The following MOB1B variants were observed in gnomAD, a reference collection of about 807,000 sequenced individuals.
MOB1B encodes the protein MOB kinase activator 1B, also known as MOB1 Mps One Binder homolog B.
In MOB1B, 19 loss-of-function variants were observed where a neutral mutation model predicts 24.4. That is an observed-to-expected ratio of 0.78 (90% CI 0.54 to 1.14). MOB1B has a LOEUF of 1.14. MOB1B is among the 50% of genes most tolerant of loss of function. The pLI is 0.00. For missense variants in MOB1B, 243 were observed against 259.6 expected, an observed-to-expected ratio of 0.94 and a Z score of 0.44; for synonymous variants, 76 against 82.1, an observed-to-expected ratio of 0.93 and a Z score of 0.40.
At chr4:70,936,214 G>A (rs1036570211) in intron 1 of MOB1B, among the ~76,000 whole-genome samples, 1 of 151,616 alleles carries the variant, frequency 6.6e-6, no homozygotes, top group African/African-American at 2.4e-5. Context: ...GGCTGTATTC[G>A]AACTCCTGAG....
chr4:70,914,565 A>G (rs1736123444), intron 1 of MOB1B, among the ~76,000 whole-genome samples: 1 of 152,358 alleles, frequency 6.6e-6, no homozygotes, highest in South Asian at 2.1e-4. Flanking sequence ...CTCATTGGAC[A>G]GTACTAAAAA....
chr4:70,969,759 G>A (rs74796960), intron 2 of MOB1B, among the ~76,000 whole-genome samples, 172 bp from the exon 3 acceptor site: 1 of 152,154 alleles, frequency 6.6e-6, no homozygotes, highest in East Asian at 1.9e-4. Flanking sequence ...CAAGGGAGTC[G>A]TTTGATGAAC....
intron 1 of MOB1B, among the ~76,000 whole-genome samples, chr4:70,927,925 C>G (rs544179688): frequency 6.6e-6 from 1 of 152,312 alleles, no homozygotes; most frequent in East Asian, 1.9e-4. Context: ...ATCCCTCCCC[C>G]ACAGTGTTCA....
chr4:70,913,866 C>T (rs1736096053), intron 1 of MOB1B, among the ~76,000 whole-genome samples: 1 of 150,688 alleles, frequency 6.6e-6, no homozygotes, highest in Non-Finnish European at 1.5e-5. Flanking sequence ...CTAATTCTGT[C>T]ATTGCTTCTA....
At chr4:70,932,398 TTTTC>T (rs1362857282) in intron 1 of MOB1B, among the ~76,000 whole-genome samples, 1 of 152,182 alleles carries the variant, frequency 6.6e-6, no homozygotes, top group African/African-American at 2.4e-5. Flanking sequence ...ATTTTTTTCT[TTTTC>T]TTTCTTTTTT....
chr4:70,902,640 C>A, intron 1 of MOB1B, 90 bp downstream of exon 1: 1 of 1,315,774 alleles, frequency 7.6e-7, no homozygotes, highest in Non-Finnish European at 1.0e-6. Context: ...GCCCTCGTCC[C>A]GACCCTCCTG....
At chr4:70,910,032 G>A (rs553954058) in intron 1 of MOB1B, among the ~76,000 whole-genome samples, 1 of 151,132 alleles carries the variant, frequency 6.6e-6, no homozygotes, top group Non-Finnish European at 1.5e-5. Flanking sequence ...ACAGGTATGA[G>A]CCACCACGCC....
chr4:70,963,632 C>A (rs1168162186), intron 2 of MOB1B, among the ~76,000 whole-genome samples: 1 of 151,704 alleles, frequency 6.6e-6, no homozygotes, highest in South Asian at 2.1e-4. Context: ...CCATCGTGGA[C>A]AACATGGCAA....
chr4:70,967,549 T>G (rs996784203), intron 2 of MOB1B, among the ~76,000 whole-genome samples: 4 of 152,194 alleles, frequency 2.6e-5, no homozygotes, highest in Non-Finnish European at 5.9e-5. Context: ...ATATGTTGAT[T>G]GTTCTGAAAA....
At chr4:70,966,447 T>C (rs765244898) in intron 2 of MOB1B, among the ~76,000 whole-genome samples, 11 of 151,506 alleles carry the variant, frequency 7.3e-5, no homozygotes, top group Non-Finnish European at 1.6e-4. Context: ...TGATCTCAGC[T>C]CACCACAACC....
At chr4:70,936,058 A>G (rs1200245785) in intron 1 of MOB1B, among the ~76,000 whole-genome samples, 4 of 151,904 alleles carry the variant, frequency 2.6e-5, no homozygotes, top group African/African-American at 7.2e-5. Context: ...TCACCGTTTT[A>G]GCTGGGATGG....
Position 70,944,769 on chromosome 4 carries a change from G to A in MOB1B, c.15-14105G>A, listed in dbSNP as rs980433033. Reference sequence around the variant, plus strand: ...TATGAGACAGAGGAAGTAGAGAGGAGAGAGAGAAAGGGGGAGAGTAGGGGA... The same window carrying A: ...TATGAGACAGAGGAAGTAGAGAGGAAAGAGAGAAAGGGGGAGAGTAGGGGA... On this transcript the variant is annotated intron_variant, in intron 1 of 5. Transcript: ENST00000309395. 3.9e-5 allele frequency among the ~76,000 whole-genome samples: 6 copies of A among 152,174 alleles called. 1 individual carries two copies. Among genetic ancestry groups the A allele is most frequent in the African/African-American group, 1.4e-4 (6 of 41,520 alleles).
At chr4:70,923,980 A>G (rs1471712881) in intron 1 of MOB1B, among the ~76,000 whole-genome samples, 1 of 139,220 alleles carries the variant, frequency 7.2e-6, no homozygotes, top group Admixed American at 7.2e-5. Context: ...AAAAAAAAAG[A>G]AATAGGTAAC....
chr4:70,913,550 C>T (rs540668453), intron 1 of MOB1B, among the ~76,000 whole-genome samples: 3 of 152,102 alleles, frequency 2.0e-5, no homozygotes, highest in East Asian at 1.9e-4. Flanking sequence ...CTTGGCCTCC[C>T]GAAGTGCTGG....
At chr4:70,965,296 CAAAA>C (rs1175536577) in intron 2 of MOB1B, among the ~76,000 whole-genome samples, 1,107 of 36,050 alleles carry the variant, frequency 0.031, 4 homozygotes, top group African/African-American at 0.092. Flanking sequence ...GACTTCATCT[CAAAA>C]AAAAAAAAAA....
At chr4:70,921,808 G>T (rs1309200526) in intron 1 of MOB1B, among the ~76,000 whole-genome samples, 1 of 151,940 alleles carries the variant, frequency 6.6e-6, no homozygotes, top group Non-Finnish European at 1.5e-5. Context: ...TGCCTGGCCC[G>T]CATTTCTTTA....
intron 1 of MOB1B, among the ~76,000 whole-genome samples, chr4:70,918,405 C>T (rs1212189298): frequency 2.0e-5 from 3 of 151,488 alleles, no homozygotes; most frequent in African/African-American, 4.9e-5. Context: ...GATGGTATCT[C>T]ATTGTGGTTT....
intron 1 of MOB1B, among the ~76,000 whole-genome samples, chr4:70,949,340 T>A (rs1402045022): frequency 6.6e-6 from 1 of 152,244 alleles, no homozygotes; most frequent in Non-Finnish European, 1.5e-5. Context: ...CTGTTCAGAC[T>A]GCTGTCTGTC....
At chr4:70,908,920 G>A (rs1398495252) in intron 1 of MOB1B, among the ~76,000 whole-genome samples, 1 of 138,938 alleles carries the variant, frequency 7.2e-6, no homozygotes, top group African/African-American at 2.7e-5. Flanking sequence ...GCGTAGTGGC[G>A]GGCGCCTGTA....
Sources: allele counts gnomAD v4.1 joint callset (sites outside exome capture counted in the v4.1 genomes callset), GRCh38; gene constraint gnomAD v4.1.1; transcripts MANE v1.5; gene names NCBI Gene and HGNC (gene_info 2026-07-23, HGNC 2026-07-21).